GRIA1: variants seen among roughly 807,000 people sequenced by gnomAD.
The protein encoded by GRIA1 is glutamate receptor 1.
Under a neutral mutation model 99.2 loss-of-function variants are expected in GRIA1, and 31 were observed. The ratio of observed to expected loss-of-function variants is 0.31; its 90% CI spans 0.23 to 0.42. The LOEUF is 0.42. GRIA1 is among the 10% of genes least tolerant of loss of function. GRIA1 has a pLI of 1.00. For missense variants in GRIA1, 782 were observed against 1,157.5 expected, an observed-to-expected ratio of 0.68 and a Z score of 4.71; for synonymous variants, 438 against 432.4, an observed-to-expected ratio of 1.01 and a Z score of -0.16.
At chr5:153,517,658 C>T (rs962621496) in intron 2 of GRIA1, among the ~76,000 whole-genome samples, 4 of 152,206 alleles carry the variant, frequency 2.6e-5, no homozygotes, top group African/African-American at 9.7e-5. Context: ...AGTTCATCAG[C>T]AAGTCTGTCA....
At chr5:153,799,185 C>G (rs934270910) in intron 14 of GRIA1, among the ~76,000 whole-genome samples, 3 of 152,150 alleles carry the variant, frequency 2.0e-5, no homozygotes, top group African/African-American at 7.2e-5. Context: ...TCCATCTCTC[C>G]CCTGTCCCCG....
At chr5:153,794,569 C>T in intron 13 of GRIA1, 52 bp from the exon 14 acceptor site, 1 of 1,224,228 alleles carries the variant, frequency 8.2e-7, no homozygotes, top group East Asian at 2.3e-5. Flanking sequence ...ACGTGACTTG[C>T]TGAGTGTTCT....
intron 13 of GRIA1, among the ~76,000 whole-genome samples, chr5:153,771,300 TG>T (rs924415622): frequency 4.6e-5 from 7 of 152,168 alleles, no homozygotes; most frequent in African/African-American, 1.4e-4. Flanking sequence ...TTAAATCATT[TG>T]GGGGAAGAGT....
At chr5:153,585,649 T>C (rs556844795) in intron 2 of GRIA1, among the ~76,000 whole-genome samples, 2 of 152,204 alleles carry the variant, frequency 1.3e-5, no homozygotes, top group East Asian at 3.9e-4. Context: ...GTGGCTTTCA[T>C]TGTTACTGTT....
At position 153,533,909 on chromosome 5, in the gene GRIA1, A is replaced by G. The variant is rs530540088; in HGVS notation, c.220+39844A>G. Reference sequence around the variant, plus strand: ...GAAGCTTATCTGAGGTTTAGCATAGAATAACTCACCCATGGTCACCTATGT... The same window carrying G: ...GAAGCTTATCTGAGGTTTAGCATAGGATAACTCACCCATGGTCACCTATGT... On this transcript the variant is annotated intron_variant, in intron 2 of 15. Transcript: ENST00000285900. Among the ~76,000 whole-genome samples the G allele has an allele frequency of 7.2e-5, 11 of 152,364 alleles. No homozygotes were observed. In the South Asian group the frequency reaches 2.3e-3, roughly 32 times the overall value.
intron 5 of GRIA1, among the ~76,000 whole-genome samples, chr5:153,661,455 C>A (rs1250981743): frequency 1.3e-5 from 2 of 152,150 alleles, no homozygotes; most frequent in African/African-American, 4.8e-5. Context: ...GAAATGAAAT[C>A]ACATCTACCT....
chr5:153,747,650 T>C (rs1015905264), intron 11 of GRIA1, among the ~76,000 whole-genome samples: 10 of 152,252 alleles, frequency 6.6e-5, no homozygotes, highest in Admixed American at 6.5e-4. Flanking sequence ...TTCCACACCA[T>C]AGTACAGGCT....
intron 2 of GRIA1, among the ~76,000 whole-genome samples, chr5:153,535,788 A>T (rs190858525): frequency 2.6e-5 from 4 of 152,292 alleles, no homozygotes; most frequent in Admixed American, 6.5e-5. Flanking sequence ...CAATCCACCT[A>T]ATCACCCAGA....
chr5:153,654,159 A>G (rs931454391), intron 4 of GRIA1, among the ~76,000 whole-genome samples: 2 of 152,180 alleles, frequency 1.3e-5, no homozygotes, highest in African/African-American at 4.8e-5. Context: ...TGTGTTGCCA[A>G]TAGTGCTTCA....
At chr5:153,802,259 T>C in intron 14 of GRIA1, 97 bp from the exon 15 acceptor site, 1 of 974,896 alleles carries the variant, frequency 1.0e-6, no homozygotes, top group Non-Finnish European at 1.6e-6. Context: ...TGGGGTTGTG[T>C]GTATGTGTGA....
At chr5:153,661,625 G>A (rs75918007) in intron 5 of GRIA1, among the ~76,000 whole-genome samples, 6,791 of 152,248 alleles carry the variant, frequency 0.045, 169 homozygotes, top group Middle Eastern at 0.088. Context: ...AGGGCCTGGC[G>A]AAGTGAGTTG....
chr5:153,706,316 G>A (rs1040252918), intron 11 of GRIA1: 14 of 520,844 alleles, frequency 2.7e-5, no homozygotes, highest in African/African-American at 3.9e-5. Context: ...GCATAATTAT[G>A]ACTGATGCGT....
At chr5:153,550,152 T>C (rs1378163660) in intron 2 of GRIA1, among the ~76,000 whole-genome samples, 1 of 114,098 alleles carries the variant, frequency 8.8e-6, no homozygotes, top group Non-Finnish European at 2.3e-5. Flanking sequence ...AGCAGGTGTT[T>C]TATTTTTTTT....
At chr5:153,685,437 G>A (rs762302735) in intron 7 of GRIA1, among the ~76,000 whole-genome samples, 7 of 152,192 alleles carry the variant, frequency 4.6e-5, no homozygotes, top group South Asian at 4.1e-4. Context: ...AGTCTCATGC[G>A]GCATATTTGA....
At chr5:153,638,520 T>A (rs1234712113) in intron 2 of GRIA1, among the ~76,000 whole-genome samples, 1 of 152,212 alleles carries the variant, frequency 6.6e-6, no homozygotes, top group African/African-American at 2.4e-5. Flanking sequence ...TTGTTCTGCT[T>A]CCCTTGACCC....
Position 153,490,693 on chromosome 5 carries a change from G to A in GRIA1, c.-196G>A. ...TCAGTTAATCTGGCTGTCAGTTGGT[G>A]TTAACGCTGCAGTTTAAGTGTTCGG... On this transcript the variant is annotated 5_prime_UTR_variant, in exon 1 of 16. Coordinates refer to ENST00000285900, the MANE Select transcript of GRIA1 (RefSeq NM_000827.4). 2 of 658,868 alleles carry A rather than the reference G, an allele frequency of 3.0e-6. No individual in the cohort carries two copies. Among genetic ancestry groups the A allele is most frequent in the East Asian group, 2.6e-5 (1 of 38,940 alleles). The allele number at this position is 658,868 out of a possible 1,614,324, so 40.8% of individuals were successfully genotyped here. A position where few individuals can be genotyped will look rare whatever the true frequency, so the allele number is the denominator to read the frequency against.
chr5:153,645,336 A>C (rs1754067371), intron 2 of GRIA1, among the ~76,000 whole-genome samples: 1 of 152,178 alleles, frequency 6.6e-6, no homozygotes, highest in Non-Finnish European at 1.5e-5. Context: ...GCAATCTTTA[A>C]GAGATTATGA....
At chr5:153,518,034 T>C (rs1407540448) in intron 2 of GRIA1, among the ~76,000 whole-genome samples, 1 of 152,224 alleles carries the variant, frequency 6.6e-6, no homozygotes, top group East Asian at 1.9e-4. Flanking sequence ...GCCTTTGCAC[T>C]GGCTGTTCCC....
intron 7 of GRIA1, among the ~76,000 whole-genome samples, chr5:153,682,687 G>A (rs1200347472): frequency 6.6e-6 from 1 of 152,012 alleles, no homozygotes; most frequent in African/African-American, 2.4e-5. Context: ...CCTGCTCCTT[G>A]GCTATATATT....
Sources: gnomAD v4.1 joint callset for allele counts (sites outside exome capture counted in the v4.1 genomes callset) on GRCh38, gnomAD v4.1.1 for gene constraint, MANE v1.5 for transcripts, NCBI Gene and HGNC (gene_info 2026-07-23, HGNC 2026-07-21) for gene names.